UBXN2A: variants seen among roughly 807,000 people sequenced by gnomAD.
The protein encoded by UBXN2A is UBX domain-containing protein 2A.
UBXN2A carries 28 observed loss-of-function variants against 28.4 expected under a neutral mutation model. The observed-to-expected ratio is 0.99, with a 90% CI of 0.73 to 1.35. The LOEUF (loss-of-function observed/expected upper bound fraction) is 1.35, where lower values mean the gene tolerates loss of function less well. Ranked by LOEUF, UBXN2A falls within the 40% of genes most tolerant of loss-of-function variation. The probability of loss-of-function intolerance (pLI) is 0.00; values close to 1 mark genes in which losing one functional copy is unlikely to be tolerated. For synonymous variants in UBXN2A, 97 were observed against 103.6 expected (o/e 0.94, Z 0.39); for missense variants, 253 against 297.9 (o/e 0.85, Z 1.11).
At chr2:23,954,372 A>G (rs1706514602) in intron 1 of UBXN2A, among the ~76,000 whole-genome samples, 1 of 152,234 alleles carries the variant, frequency 6.6e-6, no homozygotes, top group Non-Finnish European at 1.5e-5. Flanking sequence ...ATGGCTGAAT[A>G]ATATTCCATT....
chr2:23,940,826 G>T (rs1304366027), intron 1 of UBXN2A, among the ~76,000 whole-genome samples, 178 bp downstream of exon 1: 2 of 151,978 alleles, frequency 1.3e-5, no homozygotes, highest in Non-Finnish European at 2.9e-5. Context: ...CGCCGGCGGC[G>T]GAGCCCGAGC....
At chr2:23,933,009 G>T (rs1334288533) in intron 1 of UBXN2A, among the ~76,000 whole-genome samples, 1 of 152,116 alleles carries the variant, frequency 6.6e-6, no homozygotes, top group Non-Finnish European at 1.5e-5. Flanking sequence ...GGAGGCTGAC[G>T]CAGGAGAATT....
intron 6 of UBXN2A, among the ~76,000 whole-genome samples, chr2:23,985,598 G>A (rs1708092651): frequency 8.6e-6 from 1 of 115,958 alleles, no homozygotes; most frequent in African/African-American, 3.0e-5. Flanking sequence ...ATTATGTCTA[G>A]ACAGTTTTTT....
In UBXN2A at chr2:23,958,307, G is replaced by A. The variant is rs370870768; in HGVS notation, c.-8G>A. On this transcript the variant is annotated 5_prime_UTR_variant, in exon 2 of 7. Transcript: ENST00000309033. ...TTTCTTTGTACTTTTACAGTAAGGC[G>A]AAAGAGAATGAAAGACGTAGATAAC... is the stretch of plus-strand genomic sequence containing the variant. 45 of 1,596,688 alleles carry A rather than the reference G, an allele frequency of 2.8e-5. No homozygotes were observed. Among genetic ancestry groups the A allele is most frequent in the African/African-American group, 1.8e-4 (13 of 74,140 alleles).
chr2:23,945,093 A>G (rs1705997996), intron 1 of UBXN2A, among the ~76,000 whole-genome samples: 2 of 151,492 alleles, frequency 1.3e-5, no homozygotes, highest in Admixed American at 1.3e-4. Flanking sequence ...AAAAGGGGGG[A>G]GGGCCCTTTG....
intron 1 of UBXN2A, among the ~76,000 whole-genome samples, chr2:23,949,219 C>T (rs1471218776): frequency 1.3e-5 from 2 of 150,570 alleles, no homozygotes; most frequent in African/African-American, 4.9e-5. Context: ...GCCTTGGCCT[C>T]CCAAAGTGCC....
chr2:23,979,417 AATTTC>A (rs1262374700), intron 4 of UBXN2A, among the ~76,000 whole-genome samples: 1 of 152,124 alleles, frequency 6.6e-6, no homozygotes, highest in Non-Finnish European at 1.5e-5. Context: ...ATTTTTGTTG[AATTTC>A]ATTTTATCAT....
intron 2 of UBXN2A, among the ~76,000 whole-genome samples, chr2:23,969,278 T>C (rs1707309532): frequency 6.6e-6 from 1 of 152,178 alleles, no homozygotes; most frequent in African/African-American, 2.4e-5. Flanking sequence ...GGCTCACACC[T>C]GTAATGCCAG....
At chr2:23,977,984 A>G (rs13028579) in intron 4 of UBXN2A, among the ~76,000 whole-genome samples, 1 of 152,140 alleles carries the variant, frequency 6.6e-6, no homozygotes, top group Admixed American at 6.6e-5. Flanking sequence ...GGTGTGTGCC[A>G]CCATGCCCAT....
At chr2:23,944,820 G>A (rs1232881027) in intron 1 of UBXN2A, among the ~76,000 whole-genome samples, 1 of 152,136 alleles carries the variant, frequency 6.6e-6, no homozygotes, top group Non-Finnish European at 1.5e-5. Context: ...CACCTACGCA[G>A]TGTTACTGAA....
chr2:23,978,161 T>C (rs1707751012), intron 4 of UBXN2A, among the ~76,000 whole-genome samples: 1 of 152,160 alleles, frequency 6.6e-6, no homozygotes, highest in Admixed American at 6.5e-5. Flanking sequence ...TTTAGGAACT[T>C]GAATTCTGAT....
chr2:23,987,733 G>C (rs1708185901), intron 6 of UBXN2A, among the ~76,000 whole-genome samples: 6 of 149,740 alleles, frequency 4.0e-5, no homozygotes, highest in South Asian at 4.2e-4. Flanking sequence ...AGCCGAGATC[G>C]CGCCACTGCA....
intron 1 of UBXN2A, among the ~76,000 whole-genome samples, chr2:23,928,144 C>G (rs953781562): frequency 2.0e-5 from 3 of 149,362 alleles, no homozygotes; most frequent in Non-Finnish European, 4.4e-5. Context: ...CCACTGCACT[C>G]CAGCCTGGAT....
Position 23,940,661 on chromosome 2 carries a change from G to A in UBXN2A, c.-15+13G>A, listed in dbSNP as rs887300965. 3.3e-5 allele frequency: 5 copies of A among 151,802 alleles called. No homozygotes were observed. The East Asian group carries it at 7.7e-4, about 23-fold the overall frequency. 9.4% of individuals were successfully genotyped at this position (151,802 alleles called of 1,614,324 possible). ...GCCGTGCCCGGAGGTGAGCGTCCCG[G>A]GGCCGCGCCGCGTCCGGCGGGGTGA... On this transcript the variant is annotated intron_variant, in intron 1 of 6. Transcript: ENST00000309033.
intron 6 of UBXN2A, among the ~76,000 whole-genome samples, chr2:23,993,148 G>A (rs1423554707): frequency 2.0e-5 from 3 of 152,202 alleles, no homozygotes; most frequent in Non-Finnish European, 4.4e-5. Flanking sequence ...GTCCTGGAAT[G>A]TTCTTTTGTG....
chr2:23,930,504 A>C (rs111279064), intron 1 of UBXN2A, among the ~76,000 whole-genome samples: 1 of 152,304 alleles, frequency 6.6e-6, no homozygotes, highest in Non-Finnish European at 1.5e-5. Context: ...AACCTCTGAG[A>C]GGTAGTGACC....
At chr2:23,955,944 A>C (rs1706600846) in intron 1 of UBXN2A, among the ~76,000 whole-genome samples, 1 of 152,208 alleles carries the variant, frequency 6.6e-6, no homozygotes, top group South Asian at 2.1e-4. Flanking sequence ...GGCTTACTTC[A>C]ACCTCTGCCT....
intron 2 of UBXN2A, among the ~76,000 whole-genome samples, chr2:23,969,257 C>A (rs533349205): frequency 1.3e-5 from 2 of 152,236 alleles, no homozygotes; most frequent in Non-Finnish European, 2.9e-5. Flanking sequence ...CTACTATAGG[C>A]TGGATACAGT....
chr2:23,980,427 T>C (rs543862993), intron 4 of UBXN2A, among the ~76,000 whole-genome samples: 2 of 152,318 alleles, frequency 1.3e-5, no homozygotes, highest in Non-Finnish European at 2.9e-5. Context: ...TTCCAGTTTT[T>C]CCACATCCTA....
Sources: allele counts gnomAD v4.1 joint callset (sites outside exome capture counted in the v4.1 genomes callset), GRCh38; gene constraint gnomAD v4.1.1; transcripts MANE v1.5; gene names NCBI Gene and HGNC (gene_info 2026-07-23, HGNC 2026-07-21).